RORA: variants seen among roughly 807,000 people sequenced by gnomAD.
RORA encodes the protein RAR related orphan receptor A, also known as nuclear receptor ROR-alpha.
RORA carries 7 observed loss-of-function variants against 69.5 expected under a neutral mutation model. That is an observed-to-expected ratio of 0.10 (90% CI 0.06 to 0.19). The LOEUF is 0.19. RORA is among the 10% of genes least tolerant of loss of function. RORA has a pLI of 1.00. For missense variants in RORA, 457 were observed against 663.0 expected, an observed-to-expected ratio of 0.69 and a Z score of 3.41; for synonymous variants, 261 against 240.8, an observed-to-expected ratio of 1.08 and a Z score of -0.78.
At chr15:60,785,246 C>A (rs8031855) in intron 1 of RORA, among the ~76,000 whole-genome samples, 1 of 152,264 alleles carries the variant, frequency 6.6e-6, no homozygotes, top group African/African-American at 2.4e-5. Flanking sequence ...CAGTGAGCAT[C>A]TTTCTAACAG....
At chr15:60,702,497 G>A (rs2070998423) in intron 1 of RORA, among the ~76,000 whole-genome samples, 1 of 152,190 alleles carries the variant, frequency 6.6e-6, no homozygotes, top group South Asian at 2.1e-4. Context: ...CTCCCAAAGT[G>A]CTGGGATTAC....
intron 1 of RORA, among the ~76,000 whole-genome samples, chr15:61,193,720 T>C (rs971145219): frequency 6.6e-6 from 1 of 152,180 alleles, no homozygotes; most frequent in Non-Finnish European, 1.5e-5. Context: ...ATATGCAATA[T>C]CCTAACAATT....
intron 1 of RORA, among the ~76,000 whole-genome samples, chr15:61,077,110 T>C (rs181553518): frequency 1.9e-3 from 294 of 151,964 alleles, no homozygotes; most frequent in African/African-American, 6.9e-3. Context: ...CGCTGTTAAG[T>C]AGAATGATAC....
intron 1 of RORA, among the ~76,000 whole-genome samples, chr15:61,119,943 T>A (rs8032023): frequency 6.6e-6 from 1 of 151,956 alleles, no homozygotes; most frequent in Non-Finnish European, 1.5e-5. Context: ...CAAATGCTAG[T>A]GGCAACAGGT....
At chr15:61,089,622 C>T (rs997090357) in intron 1 of RORA, among the ~76,000 whole-genome samples, 5 of 152,154 alleles carry the variant, frequency 3.3e-5, no homozygotes, top group African/African-American at 9.7e-5. Context: ...CCCAGAAAGG[C>T]AGTCCTGGTG....
chr15:60,671,090 A>ATATATC (rs2070459829), intron 2 of RORA, among the ~76,000 whole-genome samples: 1 of 96,342 alleles, frequency 1.0e-5, no homozygotes, highest in Non-Finnish European at 2.2e-5. Context: ...ATATATATAT[A>ATATATC]TATATATCTG....
chr15:60,674,294 T>C (rs952083989), intron 2 of RORA, among the ~76,000 whole-genome samples: 3 of 152,030 alleles, frequency 2.0e-5, no homozygotes, highest in African/African-American at 7.2e-5. Flanking sequence ...GCCTCAAGGA[T>C]AGGAAAAAAA....
chr15:60,690,619 G>A (rs772896430), intron 1 of RORA, among the ~76,000 whole-genome samples: 12 of 152,174 alleles, frequency 7.9e-5, no homozygotes, highest in Non-Finnish European at 1.8e-4. Context: ...CACAGGGTTA[G>A]GAAATAACTA....
intron 1 of RORA, among the ~76,000 whole-genome samples, chr15:61,096,342 A>G (rs2078789858): frequency 6.6e-6 from 1 of 152,126 alleles, no homozygotes; most frequent in Non-Finnish European, 1.5e-5. Context: ...GGGCAAATCC[A>G]ATGACATTTT....
chr15:60,615,116 C>T (rs1378777819), intron 2 of RORA: 5 of 1,527,304 alleles, frequency 3.3e-6, no homozygotes, highest in Non-Finnish European at 4.5e-6. Flanking sequence ...CCACTATCCA[C>T]AGCCACCCAA....
At chr15:60,899,531 G>A (rs2140466027) in intron 1 of RORA, among the ~76,000 whole-genome samples, 1 of 152,280 alleles carries the variant, frequency 6.6e-6, no homozygotes, top group South Asian at 2.1e-4. Context: ...GCATAACCCA[G>A]CAGTTTTTAG....
At chr15:61,182,576 G>A (rs1310571230) in intron 1 of RORA, among the ~76,000 whole-genome samples, 1 of 152,232 alleles carries the variant, frequency 6.6e-6, no homozygotes, top group Non-Finnish European at 1.5e-5. Context: ...GTAGGAGAAA[G>A]GTTAGAATGA....
intron 1 of RORA, chr15:60,764,145 G>C (rs1243888026): frequency 6.6e-6 from 1 of 152,192 alleles, no homozygotes; most frequent in Non-Finnish European, 1.5e-5. Flanking sequence ...TTGGCCCATG[G>C]AAGTTTCCCT....
intron 1 of RORA, among the ~76,000 whole-genome samples, chr15:60,767,747 C>T (rs2072012348): frequency 6.6e-6 from 1 of 152,160 alleles, no homozygotes; most frequent in African/African-American, 2.4e-5. Flanking sequence ...TACCTGCAAA[C>T]TCCCTTCTTG....
In RORA at chr15:60,873,224, CGT is replaced by C. The variant is rs5813048; in HGVS notation, c.167-194540_167-194539del. On this transcript the variant is annotated intron_variant, in intron 1 of 10. Coordinates refer to ENST00000335670, the MANE Select transcript of RORA (RefSeq NM_134261.3). ...ATTGTGGTCTTCTATGGGTAAAGGT[CGT>C]GTGTGTGTGTGTGTGTGTGTGTCTG... Among the ~76,000 whole-genome samples, 58 of 139,814 alleles carry C rather than the reference CGT, an allele frequency of 4.1e-4. 1 individual carries two copies. The highest frequency in any genetic ancestry group is 7.5e-4 in the South Asian group (3 of 4,014). The allele number at this position is 139,814 out of a possible 152,430, so 91.7% of individuals were successfully genotyped here.
At chr15:60,591,434 G>A (rs964410354) in intron 2 of RORA, among the ~76,000 whole-genome samples, 3 of 152,214 alleles carry the variant, frequency 2.0e-5, no homozygotes, top group Non-Finnish European at 4.4e-5. Context: ...CCATCAGAAA[G>A]TTCCCTGACT....
At chr15:61,210,411 C>G (rs767846230) in intron 1 of RORA, among the ~76,000 whole-genome samples, 2 of 152,110 alleles carry the variant, frequency 1.3e-5, no homozygotes, top group Admixed American at 6.5e-5. Context: ...AAGACCTAAA[C>G]TAGATAATTT....
chr15:60,689,361 G>A, intron 1 of RORA, among the ~76,000 whole-genome samples: 1 of 152,158 alleles, frequency 6.6e-6, no homozygotes, highest in East Asian at 1.9e-4. Flanking sequence ...ACACTAAGGT[G>A]GCCCCGAGCT....
At chr15:61,159,780 T>C (rs1231710881) in intron 1 of RORA, among the ~76,000 whole-genome samples, 1 of 152,200 alleles carries the variant, frequency 6.6e-6, no homozygotes, top group East Asian at 1.9e-4. Flanking sequence ...TGCCCATAAA[T>C]AGGGATTAGC....
Sources: allele counts gnomAD v4.1 joint callset (sites outside exome capture counted in the v4.1 genomes callset), GRCh38; gene constraint gnomAD v4.1.1; transcripts MANE v1.5; gene names NCBI Gene and HGNC (gene_info 2026-07-23, HGNC 2026-07-21).